XKR6: variants seen among roughly 807,000 people sequenced by gnomAD.
XKR6 encodes the protein XK-related protein 6.
A neutral mutation model predicts 56.7 loss-of-function variants in XKR6; 22 were observed. The observed-to-expected ratio is 0.39, with a 90% CI of 0.28 to 0.55. The LOEUF (loss-of-function observed/expected upper bound fraction) is 0.55. XKR6 is among the 20% of genes least tolerant of loss of function. The probability of loss-of-function intolerance (pLI) is 0.66; values close to 1 mark genes in which losing one functional copy is unlikely to be tolerated. For missense variants in XKR6, 852 were observed against 889.0 expected (o/e 0.96, Z 0.53); for synonymous variants, 524 against 387.8 (o/e 1.35, Z -4.13).
intron 1 of XKR6, among the ~76,000 whole-genome samples, chr8:11,071,441 C>T (rs555103685): frequency 4.8e-4 from 73 of 151,592 alleles, no homozygotes; most frequent in African/African-American, 1.7e-3. Flanking sequence ...GGGTTTCATA[C>T]AACCTCATTT....
At chr8:11,030,033 G>A (rs1299309836) in intron 1 of XKR6, among the ~76,000 whole-genome samples, 2 of 151,952 alleles carry the variant, frequency 1.3e-5, no homozygotes, top group African/African-American at 4.8e-5. Context: ...ACCCGCTATG[G>A]CTCCCTACTG....
At chr8:11,012,787 A>T (rs1423180314) in intron 1 of XKR6, among the ~76,000 whole-genome samples, 1 of 152,186 alleles carries the variant, frequency 6.6e-6, no homozygotes. Flanking sequence ...TAACTGCCAC[A>T]AACTAATACA....
rs58774414 is a variant in XKR6 at position 10,984,732 on chromosome 8, C to CTATA, written c.765-59906_765-59903dup. On this transcript the variant is annotated intron_variant, in intron 1 of 2. Coordinates refer to ENST00000416569, the MANE Select transcript of XKR6 (RefSeq NM_173683.4). ...TCTCTCTCTCTCTCTCTCTCTCTCTCTATATATATATATATATATATATAT... is the reference window on the plus strand; with the variant it reads ...TCTCTCTCTCTCTCTCTCTCTCTCTCTATATATATATATATATATATATATATAT... 6.9e-3 allele frequency among the ~76,000 whole-genome samples: 329 copies of CTATA among 47,452 alleles called. 16 individuals are homozygous for CTATA. Among genetic ancestry groups the CTATA allele is most frequent in the African/African-American group, 0.01 (112 of 11,090 alleles). The allele number at this position is 47,452 out of a possible 152,430, so 31.1% of individuals were successfully genotyped here.
intron 1 of XKR6, among the ~76,000 whole-genome samples, chr8:11,116,026 G>A (rs568801277): frequency 9.9e-4 from 150 of 152,128 alleles, no homozygotes; most frequent in Non-Finnish European, 1.9e-3. Context: ...AGAACTATTG[G>A]GAGTCATATC....
chr8:10,980,907 T>C (rs1797719147), intron 1 of XKR6, among the ~76,000 whole-genome samples: 1 of 152,076 alleles, frequency 6.6e-6, no homozygotes, highest in African/African-American at 2.4e-5. Flanking sequence ...TCATGACTGA[T>C]GGGCTGCAGG....
chr8:11,146,657 T>A (rs975818508), intron 1 of XKR6, among the ~76,000 whole-genome samples: 1 of 150,590 alleles, frequency 6.6e-6, no homozygotes. Context: ...AAAATGGGCT[T>A]CATCAAAATG....
chr8:11,180,561 G>C (rs1802916366), intron 1 of XKR6, among the ~76,000 whole-genome samples: 2 of 152,198 alleles, frequency 1.3e-5, no homozygotes, highest in Non-Finnish European at 2.9e-5. Flanking sequence ...ATGTGCAACA[G>C]CATGGAGACA....
chr8:11,044,457 A>G (rs1256921831), intron 1 of XKR6, among the ~76,000 whole-genome samples: 1 of 152,184 alleles, frequency 6.6e-6, no homozygotes, highest in Non-Finnish European at 1.5e-5. Context: ...TTCTTAAGAA[A>G]TAAAGCTCTC....
At chr8:10,987,035 C>A (rs1797879335) in intron 1 of XKR6, among the ~76,000 whole-genome samples, 2 of 152,090 alleles carry the variant, frequency 1.3e-5, no homozygotes, top group Admixed American at 1.3e-4. Flanking sequence ...AGTGATCCTC[C>A]CACTTCAGCC....
intron 1 of XKR6, among the ~76,000 whole-genome samples, chr8:11,101,658 G>T (rs890970840): frequency 1.3e-5 from 2 of 152,166 alleles, no homozygotes; most frequent in Non-Finnish European, 2.9e-5. Flanking sequence ...AACTCTCACA[G>T]GAGAGAAGTC....
rs142444922 is a variant in XKR6 at position 10,904,074 on chromosome 8, C to T, written c.962-5158G>A. 3.1e-3 allele frequency among the ~76,000 whole-genome samples: 465 copies of T among 152,334 alleles called. 4 individuals carry two copies. The highest frequency in any genetic ancestry group is 0.03 in the South Asian group (144 of 4,822). ...CCTGGCAGCCTCCACGGTTCCCTTC[C>T]GCTTCCAGCTCCATCACTGACTGCA... On this transcript the variant is annotated intron_variant, in intron 2 of 2. Transcript: ENST00000416569.
chr8:10,935,224 T>C (rs1586324311), intron 1 of XKR6, among the ~76,000 whole-genome samples: 1 of 110,120 alleles, frequency 9.1e-6, no homozygotes, highest in East Asian at 2.0e-4. Flanking sequence ...TAGTTTGTAT[T>C]TCTGTGGGAT....
chr8:11,170,069 T>C (rs1367745407), intron 1 of XKR6, among the ~76,000 whole-genome samples: 1 of 152,026 alleles, frequency 6.6e-6, no homozygotes, highest in African/African-American at 2.4e-5. Context: ...AACAAGTTTC[T>C]GGTTATTAGA....
chr8:10,981,253 A>G (rs1797728707), intron 1 of XKR6, among the ~76,000 whole-genome samples: 1 of 152,152 alleles, frequency 6.6e-6, no homozygotes, highest in Admixed American at 6.5e-5. Flanking sequence ...GAGGGGGTAA[A>G]TAGATTTTCG....
intron 1 of XKR6, chr8:11,104,583 A>G (rs1410220238): frequency 4.4e-5 from 6 of 137,786 alleles, no homozygotes; most frequent in African/African-American, 2.2e-4. Flanking sequence ...TTTAAAGACA[A>G]TTAATAAAAG....
At chr8:11,088,071 T>C (rs9657520) in intron 1 of XKR6, among the ~76,000 whole-genome samples, 8 of 152,208 alleles carry the variant, frequency 5.3e-5, no homozygotes, top group African/African-American at 1.7e-4. Flanking sequence ...ACAAGATAAG[T>C]AGCTTCAAGA....
intron 1 of XKR6, among the ~76,000 whole-genome samples, chr8:11,050,361 G>A (rs1025476449): frequency 8.3e-5 from 11 of 133,116 alleles, no homozygotes; most frequent in Admixed American, 7.6e-4. Context: ...CAAGCCCCAC[G>A]ATCTCCTCAT....
intron 1 of XKR6, among the ~76,000 whole-genome samples, chr8:11,188,803 C>G (rs982538652): frequency 1.6e-4 from 25 of 152,292 alleles, no homozygotes; most frequent in African/African-American, 5.8e-4. Context: ...CCACAGACCC[C>G]AGGCCCCACC....
At chr8:10,971,514 G>A (rs887188481) in intron 1 of XKR6, among the ~76,000 whole-genome samples, 1 of 151,868 alleles carries the variant, frequency 6.6e-6, no homozygotes, top group Non-Finnish European at 1.5e-5. Context: ...AGTTGAGTAG[G>A]GATCAATATT....
Sources: gnomAD v4.1 joint callset for allele counts (sites outside exome capture counted in the v4.1 genomes callset) on GRCh38, gnomAD v4.1.1 for gene constraint, MANE v1.5 for transcripts, NCBI Gene and HGNC (gene_info 2026-07-23, HGNC 2026-07-21) for gene names.